The following DCHS2 variants were observed in gnomAD, a reference collection of about 807,000 sequenced individuals.
The protein encoded by DCHS2 is protocadherin-23.
In DCHS2, 142 loss-of-function variants were observed where a neutral mutation model predicts 182.4. The observed-to-expected ratio is 0.78, with a 90% CI of 0.68 to 0.89. DCHS2 has a LOEUF of 0.89. DCHS2 is among the 40% of genes least tolerant of loss of function. The pLI is 0.00. For missense variants in DCHS2, 4,319 were observed against 4,198.6 expected (o/e 1.03, Z -0.79); for synonymous variants, 1,740 against 1,663.3 (o/e 1.05, Z -1.12).
chr4:154,354,173 G>A (rs900067050), intron 3 of DCHS2, among the ~76,000 whole-genome samples: 4 of 152,120 alleles, frequency 2.6e-5, no homozygotes, highest in African/African-American at 7.2e-5. Context: ...CCATCCACCT[G>A]CCTCAGCCTC....
At chr4:154,319,267 G>A (rs1735965423) in intron 9 of DCHS2, among the ~76,000 whole-genome samples, 1 of 152,040 alleles carries the variant, frequency 6.6e-6, no homozygotes, top group Non-Finnish European at 1.5e-5. Flanking sequence ...AGAGGGGAAA[G>A]CTTTGTGAAG....
In DCHS2 at chr4:154,490,485, C is replaced by G. The variant is rs1728777998; in HGVS notation, c.871G>C (p.Asp291His). The change falls in exon 1 of 20, where the codon GAC (aspartate) becomes CAC (histidine). Residue 291 changes from aspartate (D) to histidine (H), a missense_variant. Coordinates refer to ENST00000357232, the MANE Select transcript of DCHS2 (RefSeq NM_001358235.2). Reference sequence around the variant, plus strand: ...TCCTGCTCAAAGACCGGCGGGTTGTCGTTCTCATCCAGCACGCGCAGCTCC... The same window carrying G: ...TCCTGCTCAAAGACCGGCGGGTTGTGGTTCTCATCCAGCACGCGCAGCTCC... ...SVELRVLDEN[D>H]NPPVFEQDEY... 6.5e-7 allele frequency: 1 copy of G among 1,536,696 alleles called. No individual in the cohort carries two copies.
intron 15 of DCHS2, among the ~76,000 whole-genome samples, chr4:154,258,216 C>T (rs189816284): frequency 6.6e-6 from 1 of 152,242 alleles, no homozygotes; most frequent in African/African-American, 2.4e-5. Context: ...CAAAATACAC[C>T]TGCAGTCATA....
At chr4:154,347,753 T>G (rs1729426403) in intron 3 of DCHS2, among the ~76,000 whole-genome samples, 1 of 151,926 alleles carries the variant, frequency 6.6e-6, no homozygotes, top group Non-Finnish European at 1.5e-5. Flanking sequence ...GCATCAATAC[T>G]TCACTGCAAA....
rs145080105 is a variant in DCHS2 at position 154,234,817 on chromosome 4, G to C, written c.9835C>G (p.Pro3279Ala). 1.2e-4 allele frequency: 193 copies of C among 1,614,030 alleles called. No individual in the cohort carries two copies. The African/African-American group carries it at 2.3e-3, about 19-fold the overall frequency. ...KEKKSFVFPP[P>A]LITAVAQPGI... ...GGCTGGGCTACTGCTGTTATCAAAG[G>C]GGGTGGAAAAACAAAAGATTTCTTC... Residue 3279 changes from proline to alanine, a missense_variant, in exon 20 of 20, where the codon CCT becomes GCT. Coordinates refer to ENST00000357232, the MANE Select transcript of DCHS2 (RefSeq NM_001358235.2).
rs1434351027 is a variant in DCHS2, at chr4:154,489,373, G to A, written c.1983C>T (p.Pro661=). Residue 661 remains proline (P), a synonymous_variant, in exon 1 of 20, where the codon CCC becomes CCT. Transcript: ENST00000357232. ...ITVDDVNDNE[P]IFWRQVYNAT... ...CATTGTACACCTGCCTCCAGAAGAT[G>A]GGCTCATTGTCATTCACATCATCTA... 1 of 1,550,484 alleles carries A rather than the reference G, an allele frequency of 6.4e-7. No individual in the cohort carries two copies. Among genetic ancestry groups the A allele is most frequent in the Non-Finnish European group, 8.7e-7 (1 of 1,146,096 alleles).
intron 1 of DCHS2, among the ~76,000 whole-genome samples, chr4:154,487,785 T>A (rs1366010313): frequency 6.6e-6 from 1 of 152,222 alleles, no homozygotes. Flanking sequence ...CTTTAGAGCT[T>A]CATGCCCTGG....
intron 1 of DCHS2, among the ~76,000 whole-genome samples, chr4:154,429,962 C>T (rs1284783667): frequency 1.3e-5 from 2 of 151,974 alleles, no homozygotes; most frequent in Non-Finnish European, 2.9e-5. Flanking sequence ...TGGTGGTGTA[C>T]GAATAAATGA....
intron 1 of DCHS2, among the ~76,000 whole-genome samples, chr4:154,478,671 A>C (rs1183479353): frequency 6.6e-6 from 1 of 152,168 alleles, no homozygotes; most frequent in Non-Finnish European, 1.5e-5. Context: ...GGCAAGCTCG[A>C]AATTCTGTAC....
Position 154,249,884 on chromosome 4 carries a change from G to C in DCHS2, c.6941+5635C>G, listed in dbSNP as rs542546022. On this transcript the variant is annotated intron_variant, in intron 16 of 19. Transcript: ENST00000357232. ...TAAACATGGGAATAATGGACACTGT[G>C]AACTGCTGAGGGGGAGGGAGGGAGG... Among the ~76,000 whole-genome samples, 5 of 143,296 alleles carry C rather than the reference G, an allele frequency of 3.5e-5. No individual in the cohort carries two copies. In the East Asian group the frequency reaches 1.2e-3, roughly 34 times the overall value. 94.0% of individuals were successfully genotyped at this position (143,296 alleles called of 152,430 possible).
intron 1 of DCHS2, among the ~76,000 whole-genome samples, chr4:154,462,990 GA>G (rs1216263392): frequency 6.6e-6 from 1 of 151,836 alleles, no homozygotes; most frequent in African/African-American, 2.4e-5. Flanking sequence ...CCTCAAAGAT[GA>G]ACCATGAAAA....
chr4:154,331,318 C>T (rs760382240), intron 5 of DCHS2, among the ~76,000 whole-genome samples: 14 of 152,038 alleles, frequency 9.2e-5, no homozygotes, highest in Non-Finnish European at 1.3e-4. Flanking sequence ...ATGGACACCT[C>T]GTTTTCTTGT....
At chr4:154,392,865 C>G (rs1731770103) in intron 1 of DCHS2, among the ~76,000 whole-genome samples, 1 of 152,140 alleles carries the variant, frequency 6.6e-6, no homozygotes. Flanking sequence ...TTCTCTTGAT[C>G]AGTTAGGAAT....
At position 154,269,989 on chromosome 4, in the gene DCHS2, G is replaced by T. The variant is rs773080101; in HGVS notation, c.6488C>A (p.Ala2163Asp). 1 of 1,610,632 alleles carries T rather than the reference G, an allele frequency of 6.2e-7. No individual in the cohort carries two copies. Reference protein sequence around the residue: ...EAGTSIVTVKAFAPDSIQDSM... With the variant: ...EAGTSIVTVKDFAPDSIQDSM... ...GTCCTGAATTGAGTCAGGAGCAAAA[G>T]CTTTAACAGTCACAATAGAAGTACC... Residue 2163 changes from alanine to aspartate, a missense_variant, in exon 14 of 20, where the codon GCT becomes GAT. Physicochemically the swap from Ala to Asp is moderately radical, Grantham distance 126. Coordinates refer to ENST00000357232, the MANE Select transcript of DCHS2 (RefSeq NM_001358235.2).
At chr4:154,336,073 G>A (rs755451011) in intron 3 of DCHS2, among the ~76,000 whole-genome samples, 2 of 152,190 alleles carry the variant, frequency 1.3e-5, no homozygotes, top group Non-Finnish European at 2.9e-5. Flanking sequence ...ACTAGACCGT[G>A]TAGGGTAGCT....
intron 1 of DCHS2, among the ~76,000 whole-genome samples, chr4:154,449,045 C>T (rs1428328280): frequency 1.3e-5 from 2 of 152,278 alleles, no homozygotes; most frequent in African/African-American, 4.8e-5. Context: ...GCCTGACACA[C>T]TCCCACAAAC....
At chr4:154,310,020 C>T (rs909987601) in intron 10 of DCHS2, among the ~76,000 whole-genome samples, 5 of 152,164 alleles carry the variant, frequency 3.3e-5, no homozygotes, top group African/African-American at 4.8e-5. Flanking sequence ...AAATTAACCT[C>T]CCTGAAGATC....
At chr4:154,271,198 T>A (rs953165290) in intron 13 of DCHS2, among the ~76,000 whole-genome samples, 1 of 151,878 alleles carries the variant, frequency 6.6e-6, no homozygotes, top group Non-Finnish European at 1.5e-5. Flanking sequence ...TGAAGAAGGG[T>A]AAGAGAGGTA....
chr4:154,272,740 T>C lies in DCHS2; in HGVS notation c.6464-2727A>G, dbSNP rs573407050. Among the ~76,000 whole-genome samples the C allele has an allele frequency of 6.6e-5, 10 of 152,288 alleles. No individual in the cohort carries two copies. The South Asian group carries it at 2.1e-3, about 32-fold the overall frequency. ...GTCACAGGTAGTATCTTTATAGCAG[T>C]GTGAGAACGGACTGATAACATCCAC... On this transcript the variant is annotated intron_variant, in intron 13 of 19. Transcript: ENST00000357232.
Sources: gnomAD v4.1 joint callset for allele counts (sites outside exome capture counted in the v4.1 genomes callset) on GRCh38, gnomAD v4.1.1 for gene constraint, MANE v1.5 for transcripts, NCBI Gene and HGNC (gene_info 2026-07-23, HGNC 2026-07-21) for gene names.